The following CMSS1 variants were observed in gnomAD, a reference collection of about 807,000 sequenced individuals.
The protein encoded by CMSS1 is cms1 ribosomal small subunit homolog, also known as protein CMSS1.
A neutral mutation model predicts 43.5 loss-of-function variants in CMSS1; 33 were observed. The observed-to-expected ratio is 0.76, with a 90% CI of 0.57 to 1.01. The LOEUF (loss-of-function observed/expected upper bound fraction) is 1.01, where lower values mean the gene tolerates loss of function less well. Ranked by LOEUF, CMSS1 falls within the 50% of genes least tolerant of loss-of-function variation. The probability of loss-of-function intolerance (pLI) is 0.00; values close to 1 mark genes in which losing one functional copy is unlikely to be tolerated. For synonymous variants in CMSS1, 115 were observed against 117.2 expected (o/e 0.98, Z 0.12); for missense variants, 313 against 326.4 (o/e 0.96, Z 0.32).
At chr3:100,043,643 T>C (rs1019458433) in intron 1 of CMSS1, among the ~76,000 whole-genome samples, 3 of 152,220 alleles carry the variant, frequency 2.0e-5, no homozygotes, top group African/African-American at 7.2e-5. Context: ...TGGAAGGTGA[T>C]TATGATATGT....
intron 1 of CMSS1, among the ~76,000 whole-genome samples, chr3:99,916,947 T>A (rs1229655900): frequency 2.6e-5 from 4 of 152,208 alleles, no homozygotes; most frequent in Non-Finnish European, 5.9e-5. Context: ...GGATACAGTT[T>A]AATTCTAATA....
At chr3:99,977,261 G>C (rs1222276088) in intron 1 of CMSS1, among the ~76,000 whole-genome samples, 4 of 152,132 alleles carry the variant, frequency 2.6e-5, no homozygotes, top group African/African-American at 9.7e-5. Context: ...CTCATCCCAG[G>C]AGCAGTGGGG....
chr3:100,048,195 A>G (rs1354601084), intron 1 of CMSS1, among the ~76,000 whole-genome samples: 3 of 152,230 alleles, frequency 2.0e-5, no homozygotes, highest in Admixed American at 1.3e-4. Flanking sequence ...AGGGAAGGGG[A>G]CAGATAGGTC....
intron 1 of CMSS1, among the ~76,000 whole-genome samples, chr3:100,013,513 G>A (rs1054113978): frequency 6.6e-6 from 1 of 151,954 alleles, no homozygotes; most frequent in African/African-American, 2.4e-5. Context: ...CAAAGTGCTG[G>A]GATTACAGGC....
At chr3:100,152,475 T>C (rs572293860) in intron 2 of CMSS1, among the ~76,000 whole-genome samples, 1 of 152,296 alleles carries the variant, frequency 6.6e-6, no homozygotes, top group East Asian at 1.9e-4. Flanking sequence ...TATGAGGCAA[T>C]ATTCCTTAAG....
rs183692544 is a variant in CMSS1 at position 99,894,055 on chromosome 3, T to C, written c.64+76012T>C. On this transcript the variant is annotated intron_variant, in intron 1 of 9. Transcript: ENST00000421999. ...TAACATAGAACCAGCATATAATAGC[T>C]TCAGTAAATTTTCTTTCCTCTCTGC... Among the ~76,000 whole-genome samples, 19 of 152,322 alleles carry C rather than the reference T, an allele frequency of 1.2e-4. No individual in the cohort carries two copies. In the East Asian group the frequency reaches 3.5e-3, roughly 28 times the overall value.
intron 1 of CMSS1, among the ~76,000 whole-genome samples, chr3:99,918,644 CA>C (rs1707029682): frequency 6.6e-6 from 1 of 152,146 alleles, no homozygotes; most frequent in African/African-American, 2.4e-5. Flanking sequence ...GGTTTTATGA[CA>C]TCTGTTGAAA....
intron 1 of CMSS1, among the ~76,000 whole-genome samples, chr3:99,903,032 G>C (rs1325430797): frequency 6.6e-6 from 1 of 152,034 alleles, no homozygotes; most frequent in African/African-American, 2.4e-5. Context: ...TCAAACTTCT[G>C]GGTTTAATTC....
In CMSS1 at chr3:99,879,780, T is replaced by A. The variant is rs16841800; in HGVS notation, c.64+61737T>A. ...TGTGAGATAGTATATATGGAAACAC[T>A]GTCATGTACAAAGAAAAACAGCAAG... On this transcript the variant is annotated intron_variant, in intron 1 of 9. Transcript: ENST00000421999. 5.0e-3 allele frequency among the ~76,000 whole-genome samples: 761 copies of A among 152,276 alleles called. 6 individuals carry two copies. The highest frequency in any genetic ancestry group is 0.017 in the African/African-American group (718 of 41,542).
At chr3:100,038,841 T>C (rs1456927495) in intron 1 of CMSS1, among the ~76,000 whole-genome samples, 1 of 152,118 alleles carries the variant, frequency 6.6e-6, no homozygotes, top group Non-Finnish European at 1.5e-5. Flanking sequence ...CCCAGATGTA[T>C]TGTTAAGTCC....
intron 1 of CMSS1, among the ~76,000 whole-genome samples, chr3:100,111,216 G>A (rs1686612008): frequency 6.6e-6 from 1 of 152,128 alleles, no homozygotes; most frequent in Admixed American, 6.6e-5. Context: ...GAAAGAGGAT[G>A]GTAGGGGGAG....
At chr3:100,063,183 C>T (rs1488488830) in intron 1 of CMSS1, among the ~76,000 whole-genome samples, 3 of 152,116 alleles carry the variant, frequency 2.0e-5, no homozygotes, top group Non-Finnish European at 4.4e-5. Flanking sequence ...ACTTGTTGTC[C>T]ATTTAAAATC....
chr3:99,897,362 T>C (rs1273766508), intron 1 of CMSS1, among the ~76,000 whole-genome samples: 1 of 151,690 alleles, frequency 6.6e-6, no homozygotes, highest in Non-Finnish European at 1.5e-5. Context: ...AGAGCTAGAC[T>C]TTGTCTCAAA....
chr3:99,957,631 AG>A (rs1170506803), intron 1 of CMSS1, among the ~76,000 whole-genome samples: 1 of 149,704 alleles, frequency 6.7e-6, no homozygotes, highest in Non-Finnish European at 1.5e-5. Flanking sequence ...TTCAGCCGTC[AG>A]ACTGGAAATT....
At chr3:99,948,991 C>A (rs534685875) in intron 1 of CMSS1, among the ~76,000 whole-genome samples, 1 of 152,148 alleles carries the variant, frequency 6.6e-6, no homozygotes, top group Non-Finnish European at 1.5e-5. Flanking sequence ...GTGGCCAATT[C>A]TTTCAAGATA....
At chr3:100,131,736 A>G (rs552102880) in intron 1 of CMSS1, among the ~76,000 whole-genome samples, 4 of 152,366 alleles carry the variant, frequency 2.6e-5, no homozygotes, top group Middle Eastern at 6.8e-3. Flanking sequence ...GTGTGGTAGC[A>G]ATAGAAAACT....
At chr3:99,857,619 T>G (rs923066728) in intron 1 of CMSS1, among the ~76,000 whole-genome samples, 11 of 152,228 alleles carry the variant, frequency 7.2e-5, no homozygotes, top group Non-Finnish European at 1.3e-4. Flanking sequence ...TATGTTTCTG[T>G]TTTCACAGAT....
At chr3:100,063,120 G>A (rs538874447) in intron 1 of CMSS1, among the ~76,000 whole-genome samples, 69 of 152,160 alleles carry the variant, frequency 4.5e-4, no homozygotes, top group African/African-American at 1.5e-3. Context: ...TTATCAGTTG[G>A]CACCCTGTTT....
At chr3:99,825,032 G>GT (rs1400594078) in intron 1 of CMSS1, among the ~76,000 whole-genome samples, 3 of 152,066 alleles carry the variant, frequency 2.0e-5, no homozygotes, top group African/African-American at 7.2e-5. Flanking sequence ...TTTGTTCTGT[G>GT]TTTTTTCTAT....
Sources: allele counts gnomAD v4.1 joint callset (sites outside exome capture counted in the v4.1 genomes callset), GRCh38; gene constraint gnomAD v4.1.1; transcripts MANE v1.5; gene names NCBI Gene and HGNC (gene_info 2026-07-23, HGNC 2026-07-21).